Variants in SYBU observed in about 807,000 individuals in gnomAD.
The protein encoded by SYBU is syntabulin.
A neutral mutation model predicts 35.9 loss-of-function variants in SYBU; 21 were observed. The ratio of observed to expected loss-of-function variants is 0.58; its 90% CI spans 0.41 to 0.84. The LOEUF (loss-of-function observed/expected upper bound fraction) is 0.84, where lower values mean the gene tolerates loss of function less well. Among genes scored for constraint, SYBU ranks in the 40% least tolerant of loss-of-function variants. The pLI, the probability that SYBU is intolerant of heterozygous loss-of-function variation, is 0.00. For synonymous variants in SYBU, 319 were observed against 324.3 expected (o/e 0.98, Z 0.18); for missense variants, 768 against 848.2 (o/e 0.91, Z 1.17).
chr8:109,643,724 T>C (rs993301277), intron 1 of SYBU: 2 of 166,382 alleles, frequency 1.2e-5, no homozygotes, highest in African/African-American at 4.8e-5. Context: ...AAAGTGCTTT[T>C]CCAACCATTT....
intron 2 of SYBU, among the ~76,000 whole-genome samples, chr8:109,621,796 T>C (rs1455062365): frequency 3.3e-5 from 5 of 152,176 alleles, no homozygotes; most frequent in Admixed American, 2.0e-4. Context: ...GCCTGTTTTG[T>C]CTAATGCACC....
intron 2 of SYBU, among the ~76,000 whole-genome samples, chr8:109,631,454 G>C (rs1033141049): frequency 6.6e-6 from 1 of 152,192 alleles, no homozygotes; most frequent in South Asian, 2.1e-4. Context: ...TCCCATAAAA[G>C]TCACTCTGGC....
chr8:109,634,667 G>A (rs1256467021), intron 2 of SYBU, among the ~76,000 whole-genome samples: 1 of 152,188 alleles, frequency 6.6e-6, no homozygotes, highest in Non-Finnish European at 1.5e-5. Flanking sequence ...GCTAGGCATG[G>A]TGGCTCGTGA....
chr8:109,678,134 C>CAA (rs758399888), intron 1 of SYBU, among the ~76,000 whole-genome samples: 768 of 41,484 alleles, frequency 0.019, 2 homozygotes, highest in East Asian at 0.033. Context: ...AACTCCACCT[C>CAA]AAAAAAAAAA....
At chr8:109,633,298 C>T (rs570434619) in intron 2 of SYBU, among the ~76,000 whole-genome samples, 1 of 152,244 alleles carries the variant, frequency 6.6e-6, no homozygotes, top group African/African-American at 2.4e-5. Context: ...GTCACCCACA[C>T]ACAAAAAGAA....
At position 109,663,686 on chromosome 8, in the gene SYBU, CT is replaced by C. The variant is rs889767120; in HGVS notation, c.-129+17024del. Among the ~76,000 whole-genome samples the C allele has an allele frequency of 8.6e-5, 13 of 151,766 alleles. No homozygotes were observed. In the South Asian group the frequency reaches 1.3e-3, roughly 15 times the overall value. On this transcript the variant is annotated intron_variant, in intron 1 of 5. Coordinates refer to the SYBU transcript ENST00000408889. ...CCTAGTACATTTTTTAAAATGTTCT[CT>C]TTTTTTTCATTTTCTAATTTTCTAA...
At chr8:109,618,631 C>T (rs1396166684) in intron 3 of SYBU, among the ~76,000 whole-genome samples, 1 of 152,192 alleles carries the variant, frequency 6.6e-6, no homozygotes, top group Non-Finnish European at 1.5e-5. Context: ...AATGAATACA[C>T]ATGTCACTAT....
chr8:109,591,336 G>T (rs878973293), intron 3 of SYBU, among the ~76,000 whole-genome samples: 1 of 152,112 alleles, frequency 6.6e-6, no homozygotes, highest in Admixed American at 6.5e-5. Context: ...TAATAGCGGT[G>T]TCTCTTGGGA....
At chr8:109,656,273 G>C (rs187708433) in intron 1 of SYBU, among the ~76,000 whole-genome samples, 2 of 152,280 alleles carry the variant, frequency 1.3e-5, no homozygotes, top group East Asian at 3.9e-4. Flanking sequence ...ACTAAGTATA[G>C]AACCGTAAGT....
rs139368728 is a variant in SYBU at position 109,602,523 on chromosome 8, T to C, written c.427+16319A>G. 5.1e-3 allele frequency among the ~76,000 whole-genome samples: 773 copies of C among 150,420 alleles called. 4 individuals are homozygous for C. The highest frequency in any genetic ancestry group is 0.018 in the African/African-American group (746 of 40,828). ...AACTCGGCTCTCTACAACCTCTGCC[T>C]CCTGGGCTCAGGTGATCCTTCTGCC... On this transcript the variant is annotated intron_variant, in intron 3 of 6. Transcript: ENST00000276646.
chr8:109,662,000 G>A (rs1470516291), intron 1 of SYBU, among the ~76,000 whole-genome samples: 1 of 152,158 alleles, frequency 6.6e-6, no homozygotes, highest in Non-Finnish European at 1.5e-5. Context: ...TCACCTGGGT[G>A]CTGTTATCCC....
Position 109,575,435 on chromosome 8 carries a change from A to G in SYBU, c.1463T>C (p.Val488Ala). Residue 488 changes from valine to alanine, a missense_variant, in exon 7 of 7, where the codon GTT (valine) becomes GCT (alanine). Physicochemically the swap from Val to Ala is moderately conservative, Grantham distance 64. Transcript: ENST00000276646. ...GCTGTAGGGCACCACGTCGGTCTGAACGGCTCGCTCCACCACCACACTGCC... is the reference window on the plus strand; with the variant it reads ...GCTGTAGGGCACCACGTCGGTCTGAGCGGCTCGCTCCACCACCACACTGCC... ...EEGSVVVERA[V>A]QTDVVPYSPA... 3 of 1,614,046 alleles carry G rather than the reference A, an allele frequency of 1.9e-6. No homozygotes were observed. Among genetic ancestry groups the G allele is most frequent in the Non-Finnish European group, 2.5e-6 (3 of 1,180,020 alleles).
At chr8:109,653,258 T>C (rs1816223360) in intron 1 of SYBU, among the ~76,000 whole-genome samples, 1 of 150,752 alleles carries the variant, frequency 6.6e-6, no homozygotes, top group Non-Finnish European at 1.5e-5. Context: ...TTAAAAGGTA[T>C]AGAGAGTTCC....
At chr8:109,576,066 A>G (rs1357403851) in intron 6 of SYBU, 53 bp from the exon 7 acceptor site, 6 of 1,426,990 alleles carry the variant, frequency 4.2e-6, no homozygotes, top group Admixed American at 2.5e-5. Context: ...AAAAAAAAAA[A>G]AAAACTTTCA....
chr8:109,635,170 A>G (rs955400123), intron 2 of SYBU, among the ~76,000 whole-genome samples: 9 of 152,166 alleles, frequency 5.9e-5, no homozygotes, highest in African/African-American at 2.2e-4. Flanking sequence ...ATTTGCTGCA[A>G]TTGTTTCTGC....
intron 1 of SYBU, among the ~76,000 whole-genome samples, chr8:109,651,082 G>A (rs962813414): frequency 3.9e-5 from 6 of 152,142 alleles, no homozygotes; most frequent in Admixed American, 1.3e-4. Flanking sequence ...CAGGGATCTC[G>A]GGCCTCCTTA....
intron 1 of SYBU, among the ~76,000 whole-genome samples, chr8:109,667,054 G>C (rs996970665): frequency 8.5e-5 from 13 of 152,124 alleles, no homozygotes; most frequent in Non-Finnish European, 1.9e-4. Flanking sequence ...AGATGTAGCA[G>C]CTTGAACTAA....
intron 1 of SYBU, among the ~76,000 whole-genome samples, chr8:109,690,993 C>A (rs1563783300): frequency 6.6e-6 from 1 of 152,140 alleles, no homozygotes; most frequent in Non-Finnish European, 1.5e-5. Context: ...TGAGAACAAC[C>A]AGTAAAGGGA....
intron 2 of SYBU, 40 bp from the exon 3 acceptor site, chr8:109,619,079 G>A (rs1812144575): frequency 1.3e-6 from 2 of 1,523,106 alleles, no homozygotes; most frequent in Non-Finnish European, 9.1e-7. Flanking sequence ...TGATGAGGAG[G>A]AAATCAATGA....
Sources: gnomAD v4.1 joint callset for allele counts (sites outside exome capture counted in the v4.1 genomes callset) on GRCh38, gnomAD v4.1.1 for gene constraint, MANE v1.5 for transcripts, NCBI Gene and HGNC (gene_info 2026-07-23, HGNC 2026-07-21) for gene names.